Variants in GANC observed in about 807,000 individuals in gnomAD.
The protein encoded by GANC is glucosidase alpha, neutral C.
A neutral mutation model predicts 124.2 loss-of-function variants in GANC; 117 were observed. The observed-to-expected ratio is 0.94, with a 90% CI of 0.81 to 1.10. The LOEUF (loss-of-function observed/expected upper bound fraction) is 1.10. GANC is among the 50% of genes least tolerant of loss of function. The pLI is 0.00. For synonymous variants in GANC, 377 were observed against 376.8 expected, an observed-to-expected ratio of 1.00 and a Z score of -0.01; for missense variants, 1,140 against 1,095.0, an observed-to-expected ratio of 1.04 and a Z score of -0.58.
At chr15:42,280,473 A>G (rs2051720697) in intron 3 of GANC, among the ~76,000 whole-genome samples, 1 of 152,090 alleles carries the variant, frequency 6.6e-6, no homozygotes. Context: ...TAATAGCCTG[A>G]CACCCGGCCA....
intron 6 of GANC, among the ~76,000 whole-genome samples, chr15:42,306,328 A>G (rs1434360061): frequency 6.6e-6 from 1 of 152,240 alleles, no homozygotes; most frequent in Non-Finnish European, 1.5e-5. Context: ...AATAAAAAAC[A>G]TATTTATGTC....
At position 42,287,762 on chromosome 15, in the gene GANC, T is replaced by G. The variant is rs750758816; in HGVS notation, c.273T>G (p.Pro91=). ...IFRLKINEET[P]LKPRFEVPDV... ...GGCTTAAAATTAATGAAGAGACTCC[T>G]CTAAAACCCAGATTTGAAGTTCCGG... Residue 91 remains proline, a synonymous_variant, in exon 4 of 24, where the codon CCT becomes CCG. Coordinates refer to ENST00000318010, the MANE Select transcript of GANC (RefSeq NM_198141.3). 6.2e-7 allele frequency: 1 copy of G among 1,613,382 alleles called. No homozygotes were observed. The highest frequency in any genetic ancestry group is 1.1e-5 in the South Asian group (1 of 91,046).
intron 5 of GANC, among the ~76,000 whole-genome samples, chr15:42,296,281 T>C (rs1393257161): frequency 6.6e-6 from 1 of 152,168 alleles, no homozygotes; most frequent in Non-Finnish European, 1.5e-5. Flanking sequence ...CTACTCTTAC[T>C]CTCTTTTGAT....
intron 6 of GANC, among the ~76,000 whole-genome samples, chr15:42,300,265 AAAAC>A (rs1439612251): frequency 6.6e-6 from 1 of 152,192 alleles, no homozygotes; most frequent in Non-Finnish European, 1.5e-5. Flanking sequence ...TTACAATAAA[AAAAC>A]AACCCCATCA....
chr15:42,290,577 G>A (rs1174527610), intron 4 of GANC, among the ~76,000 whole-genome samples: 2 of 152,146 alleles, frequency 1.3e-5, no homozygotes, highest in African/African-American at 4.8e-5. Flanking sequence ...GGAGGCCAAG[G>A]CAGGAGGATT....
intron 13 of GANC, among the ~76,000 whole-genome samples, chr15:42,328,197 C>T (rs1046095783): frequency 1.3e-5 from 2 of 152,178 alleles, no homozygotes; most frequent in African/African-American, 4.8e-5. Context: ...ACTGTAGTTT[C>T]TGGCATCAAG....
intron 15 of GANC, among the ~76,000 whole-genome samples, chr15:42,336,137 CAAA>C (rs112853909): frequency 1.4e-4 from 18 of 129,408 alleles, no homozygotes; most frequent in African/African-American, 4.5e-4. Context: ...CATATTGAAC[CAAA>C]AAAAAAAAAG....
At chr15:42,317,585 A>G (rs576103247) in intron 10 of GANC, among the ~76,000 whole-genome samples, 5 of 152,388 alleles carry the variant, frequency 3.3e-5, no homozygotes, top group East Asian at 3.8e-4. Context: ...TTAAGAATCA[A>G]TAATGTAATA....
chr15:42,308,429 C>T, intron 8 of GANC, 111 bp downstream of exon 8: 1 of 640,416 alleles, frequency 1.6e-6, no homozygotes, highest in South Asian at 2.1e-5. Flanking sequence ...GCCTTTTCCT[C>T]CTTTATATTG....
At chr15:42,334,165 CTT>C (rs34880460) in intron 15 of GANC, among the ~76,000 whole-genome samples, 2,448 of 140,142 alleles carry the variant, frequency 0.017, 51 homozygotes, top group African/African-American at 0.054. Flanking sequence ...AGAATAAAAT[CTT>C]TTTTTTTTTT....
At chr15:42,276,857 A>G (rs188216541) in intron 2 of GANC, among the ~76,000 whole-genome samples, 3 of 151,546 alleles carry the variant, frequency 2.0e-5, no homozygotes, top group South Asian at 4.2e-4. Flanking sequence ...TCTTTTTTTA[A>G]TCACCCCTTT....
intron 6 of GANC, among the ~76,000 whole-genome samples, chr15:42,305,053 A>AGC (rs1447263955): frequency 1.3e-5 from 2 of 152,236 alleles, no homozygotes; most frequent in African/African-American, 4.8e-5. Context: ...AGAAATGGAA[A>AGC]AGACTTCATG....
chr15:42,287,400 C>A (rs1005115098), intron 3 of GANC, among the ~76,000 whole-genome samples: 1 of 152,180 alleles, frequency 6.6e-6, no homozygotes, highest in Non-Finnish European at 1.5e-5. Context: ...TTATGCCTGT[C>A]TTTCAGTGTA....
intron 10 of GANC, among the ~76,000 whole-genome samples, chr15:42,318,806 TTTAAA>T (rs1314994785): frequency 2.0e-5 from 3 of 152,062 alleles, no homozygotes; most frequent in African/African-American, 7.2e-5. Flanking sequence ...CCAGGCTGGT[TTTAAA>T]ACCCTAGGCT....
At chr15:42,280,947 C>G in intron 3 of GANC, 1 of 702,510 alleles carries the variant, frequency 1.4e-6, no homozygotes, top group South Asian at 1.5e-5. Flanking sequence ...CCCAACAACT[C>G]TGGATGCCTT....
intron 5 of GANC, 59 bp from the exon 6 acceptor site, chr15:42,297,552 T>G (rs1007787370): frequency 3.5e-5 from 46 of 1,324,028 alleles, no homozygotes; most frequent in Non-Finnish European, 4.9e-5. Flanking sequence ...TCTTTATCAT[T>G]GAACAAAATT....
rs374939032 is a variant in GANC, at chr15:42,276,396, G to A, written c.78G>A (p.Lys26=). The A allele has an allele frequency of 6.3e-6, 9 of 1,431,706 alleles. No individual in the cohort carries two copies. Among genetic ancestry groups the A allele is most frequent in the Non-Finnish European group, 8.8e-6 (9 of 1,017,076 alleles). 88.7% of individuals were successfully genotyped at this position (1,431,706 alleles called of 1,614,324 possible). The change falls in exon 2 of 24, where the codon AAG becomes AAA. Residue 26 remains lysine, a synonymous_variant. Coordinates refer to ENST00000318010, the MANE Select transcript of GANC (RefSeq NM_198141.3). Reference sequence around the variant, plus strand: ...AAAACATTTTCAGAGACTGTAACAAGATCGCATTTTACAGGTAAGGAAAAT... The same window carrying A: ...AAAACATTTTCAGAGACTGTAACAAAATCGCATTTTACAGGTAAGGAAAAT... ...VDKNIFRDCN[K]IAFYRRQKQW... is the part of the protein sequence containing the mutation.
At chr15:42,329,581 G>T (rs4924672) in intron 14 of GANC, 132 bp downstream of exon 14, 60,684 of 885,248 alleles carry the variant, frequency 0.069, 3,135 homozygotes, top group Admixed American at 0.21. Flanking sequence ...CAACTGCAAT[G>T]AGTCTTAGGT....
At chr15:42,327,490 A>G (rs1227643754) in intron 13 of GANC, 48 bp downstream of exon 13, 1 of 1,363,352 alleles carries the variant, frequency 7.3e-7, no homozygotes, top group Non-Finnish European at 1.0e-6. Flanking sequence ...AAAGAGTGAA[A>G]GAAGTGGAAA....
Sources: allele counts gnomAD v4.1 joint callset (sites outside exome capture counted in the v4.1 genomes callset), GRCh38; gene constraint gnomAD v4.1.1; transcripts MANE v1.5; gene names NCBI Gene and HGNC (gene_info 2026-07-23, HGNC 2026-07-21).